The following C7orf78 variants were observed in gnomAD, a reference collection of about 807,000 sequenced individuals.
C7orf78 encodes putative uncharacterized protein C7orf78.
the C7orf78 span, among the ~76,000 whole-genome samples, chr7:12,490,506 T>C: frequency 6.6e-6 from 1 of 152,148 alleles, no homozygotes; most frequent in Non-Finnish European, 1.5e-5. Flanking sequence ...TAAAAAGTTA[T>C]ATTCCAGGAA....
the C7orf78 span, chr7:12,530,994 T>C: frequency 5.0e-6 from 2 of 398,246 alleles, no homozygotes; most frequent in Non-Finnish European, 8.9e-6. Flanking sequence ...CTAACTTCCT[T>C]TGTACCATCT....
At chr7:12,540,944 A>C in the C7orf78 span, 1 of 152,166 alleles carries the variant, frequency 6.6e-6, no homozygotes, top group African/African-American at 2.4e-5. Context: ...AAAACAGCAT[A>C]GGGCTTCCTG....
chr7:12,495,949 G>A, the C7orf78 span, among the ~76,000 whole-genome samples: 38 of 151,054 alleles, frequency 2.5e-4, no homozygotes, highest in African/African-American at 9.0e-4. Flanking sequence ...TTTTTGAGAC[G>A]GAGTCTCACT....
At chr7:12,487,681 C>G in the C7orf78 span, among the ~76,000 whole-genome samples, 13 of 152,166 alleles carry the variant, frequency 8.5e-5, no homozygotes, top group East Asian at 2.1e-3. Context: ...AAAGCCAATT[C>G]TCTCTGCAAA....
the C7orf78 span, chr7:12,541,205 T>C: frequency 4.6e-5 from 7 of 152,216 alleles, no homozygotes; most frequent in Non-Finnish European, 1.0e-4. Context: ...ATAATGTGCT[T>C]TCTGTTAATG....
At chr7:12,523,318 A>G in the C7orf78 span, 1 of 398,286 alleles carries the variant, frequency 2.5e-6, no homozygotes, top group South Asian at 1.3e-4. Flanking sequence ...CTAAATTTAT[A>G]ACTACATTTC....
chr7:12,490,920 T>G, the C7orf78 span, among the ~76,000 whole-genome samples: 1 of 151,966 alleles, frequency 6.6e-6, no homozygotes. Context: ...ATTCAAAAAG[T>G]AGTCTCTGAT....
chr7:12,525,686 T>C, the C7orf78 span: 7 of 381,464 alleles, frequency 1.8e-5, no homozygotes, highest in Non-Finnish European at 3.2e-5. Context: ...AAATGCTACA[T>C]TTGAATGCCA....
At chr7:12,517,063 A>C in the C7orf78 span, among the ~76,000 whole-genome samples, 1 of 152,062 alleles carries the variant, frequency 6.6e-6, no homozygotes. Flanking sequence ...GGGTGGAATG[A>C]CATAGTTTAA....
At chr7:12,528,241 GA>G in the C7orf78 span, among the ~76,000 whole-genome samples, 1 of 151,656 alleles carries the variant, frequency 6.6e-6, no homozygotes, top group African/African-American at 2.4e-5. Flanking sequence ...CACTTTGGTA[GA>G]AAATGCCATC....
chr7:12,519,222 T>G, the C7orf78 span, among the ~76,000 whole-genome samples: 311 of 152,208 alleles, frequency 2.0e-3, 5 homozygotes, highest in South Asian at 0.021. Context: ...AACAGCACCA[T>G]GCAGAAGTGA....
At chr7:12,532,696 C>G in the C7orf78 span, among the ~76,000 whole-genome samples, 1 of 152,166 alleles carries the variant, frequency 6.6e-6, no homozygotes, top group Non-Finnish European at 1.5e-5. Context: ...ACACTTAGTA[C>G]TTGCTATCTA....
the C7orf78 span, chr7:12,525,759 CCAACTA>C: frequency 2.5e-6 from 1 of 394,282 alleles, no homozygotes; most frequent in Admixed American, 4.4e-5. Context: ...AAATCAAACT[CCAACTA>C]CAATGAGAAA....
the C7orf78 span, among the ~76,000 whole-genome samples, chr7:12,517,959 A>ATATGG: frequency 6.6e-6 from 1 of 151,736 alleles, no homozygotes; most frequent in South Asian, 2.1e-4. Flanking sequence ...TTGCTCTTTC[A>ATATGG]TGTTTTCTGT....
the C7orf78 span, among the ~76,000 whole-genome samples, chr7:12,504,956 C>T: frequency 6.6e-6 from 1 of 151,896 alleles, no homozygotes; most frequent in Non-Finnish European, 1.5e-5. Context: ...TTATAAAATT[C>T]AAATCATATA....
the C7orf78 span, among the ~76,000 whole-genome samples, chr7:12,529,837 C>T: frequency 8.1e-3 from 1,227 of 152,326 alleles, 18 homozygotes; most frequent in African/African-American, 0.028. Flanking sequence ...AGTACAGCAG[C>T]AGAGGTACTG....
chr7:12,490,758 C>T, the C7orf78 span, among the ~76,000 whole-genome samples: 2 of 151,836 alleles, frequency 1.3e-5, no homozygotes, highest in African/African-American at 4.8e-5. Context: ...GCAAAACATA[C>T]TTGCAATCAG....
the C7orf78 span, among the ~76,000 whole-genome samples, chr7:12,488,893 G>C: frequency 6.1e-5 from 9 of 146,436 alleles, no homozygotes; most frequent in African/African-American, 2.3e-4. Context: ...AAATCAATAT[G>C]TGTGGAGGGG....
the C7orf78 span, among the ~76,000 whole-genome samples, chr7:12,515,605 A>T: frequency 3.9e-5 from 6 of 152,186 alleles, no homozygotes; most frequent in South Asian, 1.2e-3. Context: ...GAAGGCAGGA[A>T]AATGTGTGAA....
Sources: allele counts gnomAD v4.1 joint callset (sites outside exome capture counted in the v4.1 genomes callset), GRCh38; gene constraint gnomAD v4.1.1; transcripts MANE v1.5; gene names NCBI Gene and HGNC (gene_info 2026-07-23, HGNC 2026-07-21).